AGBL4: variants seen among roughly 807,000 people sequenced by gnomAD.
AGBL4 encodes the protein cytosolic carboxypeptidase 6.
Under a neutral mutation model 66.4 loss-of-function variants are expected in AGBL4, and 58 were observed. That is an observed-to-expected ratio of 0.87 (90% CI 0.71 to 1.09). The LOEUF (loss-of-function observed/expected upper bound fraction) is 1.09, where lower values mean the gene tolerates loss of function less well. Ranked by LOEUF, AGBL4 falls within the 50% of genes least tolerant of loss-of-function variation. The pLI is 0.00. For synonymous variants in AGBL4, 234 were observed against 222.9 expected (o/e 1.05, Z -0.44); for missense variants, 579 against 631.0 (o/e 0.92, Z 0.88).
intron 6 of AGBL4, among the ~76,000 whole-genome samples, chr1:48,693,507 C>T (rs1004142413): frequency 1.3e-5 from 2 of 152,166 alleles, no homozygotes; most frequent in African/African-American, 4.8e-5. Flanking sequence ...GGAAATTTCA[C>T]GGTGGCGTGT....
chr1:48,859,602 T>C (rs900781699), intron 6 of AGBL4, among the ~76,000 whole-genome samples: 2 of 152,196 alleles, frequency 1.3e-5, no homozygotes, highest in African/African-American at 4.8e-5. Flanking sequence ...ATATTACAAA[T>C]AGAGGATGAC....
At chr1:49,216,774 G>A (rs930020056) in intron 4 of AGBL4, among the ~76,000 whole-genome samples, 1 of 152,052 alleles carries the variant, frequency 6.6e-6, no homozygotes, top group Non-Finnish European at 1.5e-5. Flanking sequence ...GCTTTCAAAT[G>A]AATTTATATT....
chr1:49,084,787 T>TA (rs1397884533), intron 4 of AGBL4, among the ~76,000 whole-genome samples: 2 of 152,276 alleles, frequency 1.3e-5, no homozygotes, highest in South Asian at 2.1e-4. Flanking sequence ...AAAAATATGT[T>TA]AAAAAACATC....
intron 2 of AGBL4, among the ~76,000 whole-genome samples, chr1:49,711,162 C>T (rs779740449): frequency 1.1e-4 from 16 of 152,096 alleles, no homozygotes; most frequent in African/African-American, 3.4e-4. Context: ...TGTAAAAGGA[C>T]GATCACTTTG....
At chr1:49,258,343 C>T (rs972377582) in intron 3 of AGBL4, among the ~76,000 whole-genome samples, 28 of 152,044 alleles carry the variant, frequency 1.8e-4, no homozygotes, top group East Asian at 3.9e-4. Flanking sequence ...AGGCTTCAGA[C>T]GATCAAACTA....
chr1:48,635,690 T>C (rs939237735), intron 8 of AGBL4, among the ~76,000 whole-genome samples: 3 of 152,176 alleles, frequency 2.0e-5, no homozygotes, highest in Non-Finnish European at 4.4e-5. Context: ...CAAGAGCCTC[T>C]TTCATCATGG....
At chr1:48,769,567 A>G (rs971701976) in intron 6 of AGBL4, among the ~76,000 whole-genome samples, 27 of 146,518 alleles carry the variant, frequency 1.8e-4, no homozygotes, top group African/African-American at 7.0e-4. Context: ...ACACACACAC[A>G]CACAAGTTAA....
intron 4 of AGBL4, among the ~76,000 whole-genome samples, chr1:49,111,177 G>A (rs1041198115): frequency 6.7e-6 from 1 of 148,498 alleles, no homozygotes; most frequent in African/African-American, 2.5e-5. Flanking sequence ...GCAGTGGCGT[G>A]ATCTCGCCTC....
chr1:48,618,520 A>G (rs1199641539), intron 9 of AGBL4, among the ~76,000 whole-genome samples: 1 of 152,136 alleles, frequency 6.6e-6, no homozygotes, highest in Non-Finnish European at 1.5e-5. Flanking sequence ...GTTAGTTTGG[A>G]GCACCTCTTT....
chr1:49,113,254 A>AT (rs1290301897), intron 4 of AGBL4, among the ~76,000 whole-genome samples: 1 of 150,718 alleles, frequency 6.6e-6, no homozygotes, highest in Admixed American at 6.6e-5. Context: ...CCGGCCTTAA[A>AT]TTTTTTTTGA....
intron 3 of AGBL4, among the ~76,000 whole-genome samples, chr1:49,609,787 T>C (rs915485071): frequency 9.9e-5 from 15 of 152,216 alleles, no homozygotes; most frequent in African/African-American, 3.6e-4. Context: ...GTTTGCTTTG[T>C]GTCCATATGT....
chr1:49,435,020 C>T (rs1645871738), intron 3 of AGBL4, among the ~76,000 whole-genome samples: 1 of 152,018 alleles, frequency 6.6e-6, no homozygotes, highest in Non-Finnish European at 1.5e-5. Context: ...GTCTCCTTCT[C>T]ATCCTTCAGC....
chr1:49,042,009 TATTTTTA>T (rs1021821687), intron 5 of AGBL4, among the ~76,000 whole-genome samples: 1 of 152,148 alleles, frequency 6.6e-6, no homozygotes, highest in Admixed American at 6.6e-5. Flanking sequence ...CCATGATGTT[TATTTTTA>T]TTATTAACTT....
At chr1:49,765,552 G>A (rs1199212009) in intron 2 of AGBL4, among the ~76,000 whole-genome samples, 1 of 152,034 alleles carries the variant, frequency 6.6e-6, no homozygotes, top group Non-Finnish European at 1.5e-5. Flanking sequence ...TCTCAATGCT[G>A]TGACACCACC....
intron 3 of AGBL4, among the ~76,000 whole-genome samples, chr1:49,417,066 T>C (rs1290133637): frequency 6.6e-6 from 1 of 152,076 alleles, no homozygotes; most frequent in Non-Finnish European, 1.5e-5. Flanking sequence ...GGGCCACAAA[T>C]GATGCAGACA....
chr1:49,046,167 T>C (rs543735202), intron 4 of AGBL4, among the ~76,000 whole-genome samples: 4 of 152,252 alleles, frequency 2.6e-5, no homozygotes, highest in Admixed American at 1.3e-4. Flanking sequence ...TGGATAATAG[T>C]GGGGAAGCGG....
intron 3 of AGBL4, among the ~76,000 whole-genome samples, chr1:49,579,659 C>T (rs1411821147): frequency 6.6e-6 from 1 of 152,182 alleles, no homozygotes; most frequent in Non-Finnish European, 1.5e-5. Flanking sequence ...GTCACCGTGC[C>T]CAGCTAATTT....
chr1:49,467,815 G>A (rs1352312957), intron 3 of AGBL4, among the ~76,000 whole-genome samples: 1 of 151,772 alleles, frequency 6.6e-6, no homozygotes, highest in Non-Finnish European at 1.5e-5. Context: ...CCTAAGACAA[G>A]TGCAGAAAAT....
intron 1 of AGBL4, among the ~76,000 whole-genome samples, chr1:49,977,600 G>C (rs1658676444): frequency 6.6e-6 from 1 of 152,158 alleles, no homozygotes; most frequent in South Asian, 2.1e-4. Context: ...CTGTACAATA[G>C]TAAAATGTGT....
Sources: allele counts gnomAD v4.1 joint callset (sites outside exome capture counted in the v4.1 genomes callset), GRCh38; gene constraint gnomAD v4.1.1; transcripts MANE v1.5; gene names NCBI Gene and HGNC (gene_info 2026-07-23, HGNC 2026-07-21).